Variants in DNAJC5B observed in about 807,000 individuals in gnomAD.
DNAJC5B encodes the protein dnaJ homolog subfamily C member 5B.
DNAJC5B carries 23 observed loss-of-function variants against 24.7 expected under a neutral mutation model. The observed-to-expected ratio is 0.93, with a 90% CI of 0.67 to 1.32. DNAJC5B has a LOEUF of 1.32. Among genes scored for constraint, DNAJC5B ranks in the 40% most tolerant of loss-of-function variants. The pLI, the probability that DNAJC5B is intolerant of heterozygous loss-of-function variation, is 0.00. For synonymous variants in DNAJC5B, 101 were observed against 90.1 expected, an observed-to-expected ratio of 1.12 and a Z score of -0.68; for missense variants, 238 against 240.8, an observed-to-expected ratio of 0.99 and a Z score of 0.08.
chr8:66,043,497 C>A lies in DNAJC5B; in HGVS notation c.-132C>A, dbSNP rs1391541507. ...TTGTTGTGTTTTCCAGAGGGATAAC[C>A]AATTGGCTGGCAAAGTAACAAATGA... On this transcript the variant is annotated 5_prime_UTR_variant, in exon 2 of 6. Transcript: ENST00000276570. 1 of 152,084 alleles carries A rather than the reference C, an allele frequency of 6.6e-6. No homozygotes were observed. The highest frequency in any genetic ancestry group is 1.5e-5 in the Non-Finnish European group (1 of 68,030). 9.4% of individuals were successfully genotyped at this position (152,084 alleles called of 1,614,324 possible). A position where few individuals can be genotyped will look rare whatever the true frequency, so the allele number is the denominator to read the frequency against.
chr8:66,080,523 G>C lies in DNAJC5B; in HGVS notation c.480G>C (p.Glu160Asp), dbSNP rs1366438842. The C allele has an allele frequency of 6.2e-7, 1 of 1,612,108 alleles. No homozygotes were observed. The highest frequency in any genetic ancestry group is 1.3e-5 in the African/African-American group (1 of 74,904). ...DFYVSPEDLE[E>D]QIKSDMEKDV... Reference sequence around the variant, plus strand: ...ATGTGTCCCCAGAGGATCTGGAGGAGCAGATCAAGTCTGACATGGAAAAAG... The same window carrying C: ...ATGTGTCCCCAGAGGATCTGGAGGACCAGATCAAGTCTGACATGGAAAAAG... The change falls in exon 5 of 6, where the codon GAG becomes GAC. Residue 160 changes from glutamate to aspartate, a missense_variant. Transcript: ENST00000276570.
Position 66,076,522 on chromosome 8 carries a change from T to A in DNAJC5B, c.120-138T>A, listed in dbSNP as rs2128963777. 6.8e-6 allele frequency: 6 copies of A among 876,824 alleles called. No homozygotes were observed. The East Asian group carries it at 1.5e-4, about 22-fold the overall frequency. 54.3% of individuals were successfully genotyped at this position (876,824 alleles called of 1,614,324 possible). On this transcript the variant is annotated intron_variant, in intron 3 of 5. Coordinates refer to ENST00000276570, the MANE Select transcript of DNAJC5B (RefSeq NM_033105.6). ...CATTTAGTGAAAATGTACTTGTTAA[T>A]CACCGCTAGTCTGAAACTCACCATT...
chr8:66,029,712 C>T (rs1274656470), intron 1 of DNAJC5B, among the ~76,000 whole-genome samples: 1 of 152,050 alleles, frequency 6.6e-6, no homozygotes, highest in South Asian at 2.1e-4. Flanking sequence ...GTTAATTGAT[C>T]GGCCTGGTTT....
chr8:66,089,670 G>A (rs1289894748), intron 5 of DNAJC5B, among the ~76,000 whole-genome samples: 3 of 152,130 alleles, frequency 2.0e-5, no homozygotes, highest in Admixed American at 6.5e-5. Context: ...TTGTTCAATA[G>A]TGGTGGTACA....
At chr8:66,030,196 G>A (rs1806330021) in intron 1 of DNAJC5B, among the ~76,000 whole-genome samples, 1 of 152,082 alleles carries the variant, frequency 6.6e-6, no homozygotes, top group Non-Finnish European at 1.5e-5. Context: ...GATAGACTTC[G>A]TAGTCTTCAT....
At chr8:66,024,024 G>T (rs990470071) in intron 1 of DNAJC5B, among the ~76,000 whole-genome samples, 1 of 152,166 alleles carries the variant, frequency 6.6e-6, no homozygotes, top group East Asian at 1.9e-4. Flanking sequence ...AATATAAATA[G>T]AGACCTAACT....
chr8:66,066,081 C>G (rs1039480100), intron 3 of DNAJC5B, among the ~76,000 whole-genome samples: 1 of 152,164 alleles, frequency 6.6e-6, no homozygotes, highest in African/African-American at 2.4e-5. Context: ...GTTAAATAGA[C>G]ATTTCTCAAA....
chr8:66,090,536 T>C (rs1181746086), intron 5 of DNAJC5B, among the ~76,000 whole-genome samples: 1 of 152,094 alleles, frequency 6.6e-6, no homozygotes, highest in Non-Finnish European at 1.5e-5. Flanking sequence ...GAAAGTGTTT[T>C]ATATTATTGA....
At chr8:66,099,794 C>T (rs954453847) in intron 5 of DNAJC5B, 143 bp from the exon 6 acceptor site, 28 of 659,328 alleles carry the variant, frequency 4.2e-5, no homozygotes, top group Non-Finnish European at 7.7e-6. Context: ...CTTTCGAAGT[C>T]CTTAAAATGG....
intron 5 of DNAJC5B, among the ~76,000 whole-genome samples, chr8:66,087,079 C>T (rs1384530982): frequency 2.6e-5 from 4 of 152,134 alleles, no homozygotes; most frequent in African/African-American, 9.7e-5. Flanking sequence ...AAGATACAAC[C>T]AGAGTATGGG....
chr8:66,085,532 C>T (rs778302372), intron 5 of DNAJC5B, among the ~76,000 whole-genome samples: 21 of 152,012 alleles, frequency 1.4e-4, no homozygotes, highest in Admixed American at 9.8e-4. Flanking sequence ...GAGATTGCAC[C>T]ACTGCACTCT....
intron 5 of DNAJC5B, among the ~76,000 whole-genome samples, chr8:66,081,305 C>A (rs538832239): frequency 1.3e-5 from 2 of 152,260 alleles, no homozygotes; most frequent in East Asian, 3.9e-4. Context: ...GGGGTCAGAC[C>A]TGCCATTGTC....
chr8:66,067,969 A>T (rs1387663063), intron 3 of DNAJC5B, among the ~76,000 whole-genome samples: 1 of 152,232 alleles, frequency 6.6e-6, no homozygotes, highest in African/African-American at 2.4e-5. Flanking sequence ...TAGGAACACC[A>T]GTCTTGTATG....
At chr8:66,055,780 A>G (rs1336059249) in intron 3 of DNAJC5B, among the ~76,000 whole-genome samples, 1 of 152,114 alleles carries the variant, frequency 6.6e-6, no homozygotes, top group Non-Finnish European at 1.5e-5. Flanking sequence ...CATCTCTACT[A>G]AAAATATAAA....
intron 5 of DNAJC5B, among the ~76,000 whole-genome samples, chr8:66,095,025 T>A (rs1184628112): frequency 6.6e-6 from 1 of 152,122 alleles, no homozygotes; most frequent in East Asian, 1.9e-4. Context: ...TTGTTTTAGA[T>A]GTTTGTGACA....
intron 3 of DNAJC5B, among the ~76,000 whole-genome samples, chr8:66,063,862 T>C (rs1807134995): frequency 6.6e-6 from 1 of 152,226 alleles, no homozygotes; most frequent in African/African-American, 2.4e-5. Context: ...TTGCTTGTCT[T>C]TGAGACATAT....
upstream of DNAJC5B, among the ~76,000 whole-genome samples, chr8:66,019,882 T>G (rs548512935): frequency 4.5e-4 from 68 of 152,348 alleles, no homozygotes; most frequent in African/African-American, 1.5e-3. Flanking sequence ...AATTCACAGA[T>G]GTGGAATTGT....
At chr8:66,023,436 G>C (rs890382063) in intron 1 of DNAJC5B, among the ~76,000 whole-genome samples, 11 of 152,118 alleles carry the variant, frequency 7.2e-5, no homozygotes, top group Non-Finnish European at 1.0e-4. Flanking sequence ...TCAAAACACT[G>C]AGATAACAGT....
chr8:66,051,424 A>G, intron 2 of DNAJC5B, 107 bp from the exon 3 acceptor site: 1 of 716,042 alleles, frequency 1.4e-6, no homozygotes, highest in Non-Finnish European at 2.4e-6. Context: ...TGGTACACAA[A>G]TATTCTTCAA....
Sources: gnomAD v4.1 joint callset for allele counts (sites outside exome capture counted in the v4.1 genomes callset) on GRCh38, gnomAD v4.1.1 for gene constraint, MANE v1.5 for transcripts, NCBI Gene and HGNC (gene_info 2026-07-23, HGNC 2026-07-21) for gene names.